The following MYOM2 variants were observed in gnomAD, a reference collection of about 807,000 sequenced individuals.
MYOM2 encodes the protein myomesin-2.
Under a neutral mutation model 187.6 loss-of-function variants are expected in MYOM2, and 254 were observed. That is an observed-to-expected ratio of 1.35 (90% CI 1.22 to 1.50). MYOM2 has a LOEUF of 1.50. MYOM2 is among the 40% of genes most tolerant of loss of function. MYOM2 has a pLI of 0.00. For synonymous variants in MYOM2, 981 were observed against 753.8 expected, an observed-to-expected ratio of 1.30 and a Z score of -4.94; for missense variants, 2,796 against 1,924.0, an observed-to-expected ratio of 1.45 and a Z score of -8.48.
At chr8:2,073,069 T>A (rs1463740852) in intron 9 of MYOM2, among the ~76,000 whole-genome samples, 2 of 152,196 alleles carry the variant, frequency 1.3e-5, no homozygotes, top group Non-Finnish European at 2.9e-5. Flanking sequence ...GAACCCAGTT[T>A]ACCTGAGGAC....
chr8:2,134,620 G>GCAT (rs1798003703), intron 32 of MYOM2, among the ~76,000 whole-genome samples: 1 of 151,880 alleles, frequency 6.6e-6, no homozygotes, highest in Non-Finnish European at 1.5e-5. Context: ...GGGAGGCGCT[G>GCAT]GCCTCTCCTC....
intron 2 of MYOM2, 135 bp from the exon 3 acceptor site, chr8:2,052,023 G>A (rs1818506203): frequency 1.9e-6 from 2 of 1,042,154 alleles, no homozygotes; most frequent in South Asian, 2.9e-5. Flanking sequence ...TCATATGCCT[G>A]TGCATGTGTG....
rs76903332 is a variant in MYOM2 at position 2,053,734 on chromosome 8, T to C, written c.263+1421T>C. 2.7e-4 allele frequency among the ~76,000 whole-genome samples: 41 copies of C among 152,316 alleles called. 3 individuals carry two copies. The East Asian group carries it at 7.9e-3, about 29-fold the overall frequency. On this transcript the variant is annotated intron_variant, in intron 3 of 36. Transcript: ENST00000262113. ...CGGCACCTCTGATCCTCACGTTAAA[T>C]GCCAGTCTGTCTTAGACGTAGTAGA...
In MYOM2 at chr8:2,102,663, C is replaced by A; in HGVS notation, c.2620-4C>A. On this transcript the variant is annotated splice_region_variant and splice_polypyrimidine_tract_variant and intron_variant, in intron 20 of 36. Transcript: ENST00000262113. ...ACATCTGGTGTTTCCTCTGTTGTTT[C>A]AAGGTCTCTGACCTGCAGCAAGGTA... 6.3e-7 allele frequency: 1 copy of A among 1,599,572 alleles called. No homozygotes were observed.
In MYOM2 at chr8:2,085,692, C is replaced by T. The variant is rs1174225727; in HGVS notation, c.1644+302C>T. 3.2e-3 allele frequency among the ~76,000 whole-genome samples: 37 copies of T among 11,414 alleles called. 13 individuals carry two copies. The highest frequency in any genetic ancestry group is 4.5e-3 in the Non-Finnish European group (29 of 6,396). 7.5% of individuals were successfully genotyped at this position (11,414 alleles called of 152,430 possible). A position where few individuals can be genotyped will look rare whatever the true frequency, so the allele number is the denominator to read the frequency against. ...CGTGGCCCCACTGTCGTGATCTCTG[C>T]GTGGCCCCCCACTGTCGTGATCTCT... On this transcript the variant is annotated intron_variant, in intron 14 of 36. Transcript: ENST00000262113.
At chr8:2,088,146 C>T (rs1796161063) in intron 14 of MYOM2, among the ~76,000 whole-genome samples, 1 of 152,004 alleles carries the variant, frequency 6.6e-6, no homozygotes, top group African/African-American at 2.4e-5. Context: ...TTTGGTGCAT[C>T]CATCACCCAA....
chr8:2,144,644 C>G lies in MYOM2; in HGVS notation c.4081-20C>G, dbSNP rs751488142. 3 of 1,610,552 alleles carry G rather than the reference C, an allele frequency of 1.9e-6. No homozygotes were observed. The highest frequency in any genetic ancestry group is 1.7e-5 in the Admixed American group (1 of 58,344). Reference sequence around the variant, plus strand: ...CCTTTTTCTAACTCTTCCTTCTCCACCAACCTCTTCCGTCCAAAGACCTTG... The same window carrying G: ...CCTTTTTCTAACTCTTCCTTCTCCAGCAACCTCTTCCGTCCAAAGACCTTG... On this transcript the variant is annotated intron_variant, in intron 36 of 36. Coordinates refer to ENST00000262113, the MANE Select transcript of MYOM2 (RefSeq NM_003970.4).
Position 2,051,492 on chromosome 8 carries a change from C to T in MYOM2, c.107+619C>T, listed in dbSNP as rs150883744. ...CTGTGGTGAAGGGAGGGAGGGACCGCGGGCAGGCGTTCTGCAGCCCAGGTG... is the reference window on the plus strand; with the variant it reads ...CTGTGGTGAAGGGAGGGAGGGACCGTGGGCAGGCGTTCTGCAGCCCAGGTG... On this transcript the variant is annotated intron_variant, in intron 2 of 36. Coordinates refer to ENST00000262113, the MANE Select transcript of MYOM2 (RefSeq NM_003970.4). Among the ~76,000 whole-genome samples the T allele has an allele frequency of 2.7e-3, 408 of 152,288 alleles. 5 individuals are homozygous for T. The highest frequency in any genetic ancestry group is 9.1e-3 in the African/African-American group (379 of 41,560).
At chr8:2,143,327 G>GCTGCTTACATGGCTCCTGCTC in intron 35 of MYOM2, 74 bp from the exon 36 acceptor site, 32 of 1,557,898 alleles carry the variant, frequency 2.1e-5, no homozygotes, top group Non-Finnish European at 1.9e-5. Context: ...GGTACCCACT[G>GCTGCTTACATGGCTCCTGCTC]CTGCTTACAT....
At position 2,144,753 on chromosome 8, in the gene MYOM2, C is replaced by G; in HGVS notation, c.4170C>G (p.His1390Gln). 6.2e-7 allele frequency: 1 copy of G among 1,614,220 alleles called. No individual in the cohort carries two copies. Among genetic ancestry groups the G allele is most frequent in the Non-Finnish European group, 8.5e-7 (1 of 1,180,042 alleles). Reference protein sequence around the residue: ...KNDQDIQLSEHFSVKVEQAKY... With the variant: ...KNDQDIQLSEQFSVKVEQAKY... ...ACCAGGACATCCAGCTCAGCGAGCA[C>G]TTCTCGGTGAAGGTGGAGCAGGCCA... Residue 1390 changes from histidine (H) to glutamine (Q), a missense_variant, in exon 37 of 37, where the codon CAC becomes CAG. His to Gln is a conservative substitution (Grantham distance 24). Coordinates refer to ENST00000262113, the MANE Select transcript of MYOM2 (RefSeq NM_003970.4).
chr8:2,059,144 C>T lies in MYOM2; in HGVS notation c.561-9C>T, dbSNP rs199511208. On this transcript the variant is annotated splice_polypyrimidine_tract_variant and intron_variant, in intron 5 of 36. Coordinates refer to ENST00000262113, the MANE Select transcript of MYOM2 (RefSeq NM_003970.4). ...GCCTTTAAACTAAAAACATGCCTCC[C>T]TCATTTAGGTACAAAGATGGCAGTC... is the stretch of plus-strand genomic sequence containing the variant. The T allele has an allele frequency of 6.2e-7, 1 of 1,613,080 alleles. No homozygotes were observed. Among genetic ancestry groups the T allele is most frequent in the African/African-American group, 1.3e-5 (1 of 74,912 alleles).
intron 34 of MYOM2, 107 bp downstream of exon 34, chr8:2,141,284 G>C (rs1280237708): frequency 1.4e-5 from 13 of 924,612 alleles, no homozygotes; most frequent in Non-Finnish European, 2.2e-5. Context: ...CCTAAAGAAA[G>C]AGCCATTCCT....
At chr8:2,067,648 G>C (rs113440609) in intron 6 of MYOM2, among the ~76,000 whole-genome samples, 1,711 of 152,308 alleles carry the variant, frequency 0.011, 23 homozygotes, top group African/African-American at 0.037. Flanking sequence ...TCACAGCCAA[G>C]AAGAGAAGTT....
rs145033861 is a variant in MYOM2, at chr8:2,095,890, G to A, written c.2126-357G>A. Among the ~76,000 whole-genome samples, 31 of 152,290 alleles carry A rather than the reference G, an allele frequency of 2.0e-4. 1 individual carries two copies. The highest frequency in any genetic ancestry group is 6.0e-4 in the African/African-American group (25 of 41,558). On this transcript the variant is annotated intron_variant, in intron 17 of 36. Coordinates refer to ENST00000262113, the MANE Select transcript of MYOM2 (RefSeq NM_003970.4). Reference sequence around the variant, plus strand: ...ATAGTTATTCCTTATGGTTGTAAAAGTGAAAGCTCCTTCGCCAAGCTTCTT... The same window carrying A: ...ATAGTTATTCCTTATGGTTGTAAAAATGAAAGCTCCTTCGCCAAGCTTCTT...
chr8:2,101,138 G>T (rs928218558), intron 20 of MYOM2, 84 bp downstream of exon 20: 3 of 1,342,476 alleles, frequency 2.2e-6, no homozygotes, highest in Non-Finnish European at 1.0e-6. Flanking sequence ...TTGAGGTCAG[G>T]AGTTCGAAAC....
At chr8:2,082,792 C>G (rs1174864306) in intron 13 of MYOM2, among the ~76,000 whole-genome samples, 2 of 152,190 alleles carry the variant, frequency 1.3e-5, no homozygotes, top group South Asian at 4.1e-4. Flanking sequence ...ATTTGCAGCC[C>G]ACATGCTCAG....
At chr8:2,134,901 C>T (rs1563080878) in intron 32 of MYOM2, among the ~76,000 whole-genome samples, 1 of 152,144 alleles carries the variant, frequency 6.6e-6, no homozygotes, top group Non-Finnish European at 1.5e-5. Context: ...CAAAGGTTGG[C>T]ATCAGAGACT....
chr8:2,130,497 A>G (rs772974311), intron 32 of MYOM2, among the ~76,000 whole-genome samples: 2 of 152,236 alleles, frequency 1.3e-5, no homozygotes, highest in Non-Finnish European at 2.9e-5. Flanking sequence ...AAGGAAAATC[A>G]ATGGTTATGA....
intron 1 of MYOM2, among the ~76,000 whole-genome samples, chr8:2,047,544 C>G (rs1292736103): frequency 6.6e-6 from 1 of 152,154 alleles, no homozygotes; most frequent in Non-Finnish European, 1.5e-5. Flanking sequence ...TGTTGAAATC[C>G]AAGGGTTCTG....
Sources: gnomAD v4.1 joint callset for allele counts (sites outside exome capture counted in the v4.1 genomes callset) on GRCh38, gnomAD v4.1.1 for gene constraint, MANE v1.5 for transcripts, NCBI Gene and HGNC (gene_info 2026-07-23, HGNC 2026-07-21) for gene names.